Variants in SMYD3 observed in about 807,000 individuals in gnomAD.
SMYD3 encodes SET and MYND domain containing 3.
Under a neutral mutation model 57.7 loss-of-function variants are expected in SMYD3, and 36 were observed. The observed-to-expected ratio is 0.62, with a 90% CI of 0.48 to 0.82. The LOEUF is 0.82. Among genes scored for constraint, SMYD3 ranks in the 40% least tolerant of loss-of-function variants. The pLI is 0.00. For synonymous variants in SMYD3, 211 were observed against 195.0 expected, an observed-to-expected ratio of 1.08 and a Z score of -0.68; for missense variants, 515 against 538.8, an observed-to-expected ratio of 0.96 and a Z score of 0.44.
At chr1:246,182,515 TGGG>T (rs10610217) in intron 5 of SMYD3, among the ~76,000 whole-genome samples, 10,709 of 152,220 alleles carry the variant, frequency 0.07, 537 homozygotes, top group African/African-American at 0.13. Flanking sequence ...CATGCAAAGC[TGGG>T]TCCTCACCTA....
chr1:246,118,269 T>A lies in SMYD3; in HGVS notation c.532-188332A>T, dbSNP rs115899740. ...CAGAAAACATCATAAATGATACCTT[T>A]AAGGTTATTCAAAGAGTGGGAAATA... On this transcript the variant is annotated intron_variant, in intron 5 of 11. Coordinates refer to ENST00000490107, the MANE Select transcript of SMYD3 (RefSeq NM_001167740.2). Among the ~76,000 whole-genome samples the A allele has an allele frequency of 7.3e-3, 1,114 of 152,282 alleles. 10 individuals are homozygous for A. Among genetic ancestry groups the A allele is most frequent in the South Asian group, 0.037 (177 of 4,812 alleles).
chr1:246,082,672 C>T (rs573365726), intron 5 of SMYD3, among the ~76,000 whole-genome samples: 3 of 152,150 alleles, frequency 2.0e-5, no homozygotes, highest in East Asian at 3.9e-4. Flanking sequence ...GTGGGCTTGG[C>T]GAAATGGTTT....
At chr1:245,806,483 C>T (rs1213094881) in intron 10 of SMYD3, among the ~76,000 whole-genome samples, 1 of 152,186 alleles carries the variant, frequency 6.6e-6, no homozygotes, top group Non-Finnish European at 1.5e-5. Context: ...AATGGAGTTG[C>T]CGCAGAAACC....
chr1:246,054,379 A>T (rs60934034), intron 5 of SMYD3, among the ~76,000 whole-genome samples: 3,035 of 152,324 alleles, frequency 0.02, 144 homozygotes, highest in East Asian at 0.16. Flanking sequence ...ATAAAGTTAG[A>T]TATAATACTA....
At chr1:246,394,559 G>A (rs575559100) in intron 1 of SMYD3, among the ~76,000 whole-genome samples, 160 of 152,302 alleles carry the variant, frequency 1.1e-3, no homozygotes, top group Non-Finnish European at 1.9e-3. Flanking sequence ...CAGAATATTC[G>A]AAAACAAGAA....
rs144137711 is a variant in SMYD3, at chr1:245,765,045, T to TGCAC, written c.1077-897_1077-896insGTGC. 7.4e-3 allele frequency among the ~76,000 whole-genome samples: 993 copies of TGCAC among 134,300 alleles called. 6 individuals carry two copies. The highest frequency in any genetic ancestry group is 9.6e-3 in the African/African-American group (341 of 35,536). The allele number at this position is 134,300 out of a possible 152,430, so 88.1% of individuals were successfully genotyped here. On this transcript the variant is annotated intron_variant, in intron 10 of 11. Coordinates refer to ENST00000490107, the MANE Select transcript of SMYD3 (RefSeq NM_001167740.2). ...CAGAATTGTCTCTGGTGGAAATGCC[T>TGCAC]ACACACACACACACACACACACACA...
intron 5 of SMYD3, among the ~76,000 whole-genome samples, chr1:246,075,642 G>T (rs1263638524): frequency 6.6e-6 from 1 of 152,188 alleles, no homozygotes; most frequent in Non-Finnish European, 1.5e-5. Context: ...AATGAGACTA[G>T]ATGGAAGGCT....
At chr1:245,774,677 C>T (rs1434659319) in intron 10 of SMYD3, among the ~76,000 whole-genome samples, 1 of 121,472 alleles carries the variant, frequency 8.2e-6, no homozygotes, top group East Asian at 2.2e-4. Context: ...CTCCCTCTCC[C>T]TTTCCCACGG....
intron 10 of SMYD3, among the ~76,000 whole-genome samples, chr1:245,794,853 T>A (rs1031958861): frequency 2.0e-5 from 3 of 152,236 alleles, no homozygotes; most frequent in Non-Finnish European, 2.9e-5. Flanking sequence ...CCTGTTCTTG[T>A]TTCACATATG....
chr1:246,236,352 T>A (rs1262606495), intron 5 of SMYD3, among the ~76,000 whole-genome samples: 1 of 152,134 alleles, frequency 6.6e-6, no homozygotes. Flanking sequence ...CGCCTCAGCC[T>A]CCCAGTAGCT....
chr1:246,184,909 A>T (rs1558297224), intron 5 of SMYD3, among the ~76,000 whole-genome samples: 4 of 152,170 alleles, frequency 2.6e-5, no homozygotes, highest in Non-Finnish European at 4.4e-5. Flanking sequence ...TTGTTACAGT[A>T]CCCTGAGGTG....
chr1:246,491,962 C>T (rs983072008), intron 1 of SMYD3, among the ~76,000 whole-genome samples: 6 of 152,034 alleles, frequency 3.9e-5, no homozygotes, highest in Non-Finnish European at 1.5e-5. Flanking sequence ...CCTGGCTGGA[C>T]GGCAGGAACT....
At chr1:246,042,970 G>A (rs1463080945) in intron 5 of SMYD3, among the ~76,000 whole-genome samples, 1 of 152,084 alleles carries the variant, frequency 6.6e-6, no homozygotes, top group Non-Finnish European at 1.5e-5. Context: ...AGGGATAAAT[G>A]AAAAATCAAA....
chr1:246,456,891 C>A (rs2067707013), intron 1 of SMYD3, among the ~76,000 whole-genome samples: 1 of 152,162 alleles, frequency 6.6e-6, no homozygotes, highest in Non-Finnish European at 1.5e-5. Context: ...GTACCCAGGG[C>A]TTAGCTTTAT....
chr1:245,967,753 CAG>C (rs2058192314), intron 5 of SMYD3, among the ~76,000 whole-genome samples: 1 of 152,150 alleles, frequency 6.6e-6, no homozygotes, highest in Non-Finnish European at 1.5e-5. Context: ...AAAACCTAAA[CAG>C]AGGGATAACG....
At chr1:246,481,621 T>TATATATATATATATATATATATACAC (rs1307881494) in intron 1 of SMYD3, among the ~76,000 whole-genome samples, 12 of 98,534 alleles carry the variant, frequency 1.2e-4, no homozygotes, top group African/African-American at 2.6e-4. Flanking sequence ...CATACATATA[T>TATATATATATATATATATATATACAC]ACATACATAC....
chr1:246,113,596 G>C (rs543805355), intron 5 of SMYD3: 19 of 152,346 alleles, frequency 1.2e-4, no homozygotes, highest in African/African-American at 4.3e-4. Flanking sequence ...AGGAGGAAAA[G>C]AGAGTATCTT....
chr1:245,954,464 A>C (rs1421155128), intron 5 of SMYD3, among the ~76,000 whole-genome samples: 1 of 152,184 alleles, frequency 6.6e-6, no homozygotes, highest in African/African-American at 2.4e-5. Flanking sequence ...ACTTGAGCCT[A>C]GATGTTTGAG....
chr1:245,801,950 C>T (rs76371141), intron 10 of SMYD3, among the ~76,000 whole-genome samples: 2,762 of 150,584 alleles, frequency 0.018, 39 homozygotes, highest in Non-Finnish European at 0.027. Context: ...GTCACCAAAT[C>T]GTGTTCTTCC....
Sources: gnomAD v4.1 joint callset for allele counts (sites outside exome capture counted in the v4.1 genomes callset) on GRCh38, gnomAD v4.1.1 for gene constraint, MANE v1.5 for transcripts, NCBI Gene and HGNC (gene_info 2026-07-23, HGNC 2026-07-21) for gene names.